The following STXBP6 variants were observed in gnomAD, a reference collection of about 807,000 sequenced individuals.
STXBP6 encodes the protein syntaxin binding protein 6.
In STXBP6, 21 loss-of-function variants were observed where a neutral mutation model predicts 26.9. The observed-to-expected ratio is 0.78, with a 90% CI of 0.55 to 1.12. The LOEUF is 1.12. STXBP6 is among the 50% of genes most tolerant of loss of function. STXBP6 has a pLI of 0.00. For missense variants in STXBP6, 232 were observed against 257.9 expected, an observed-to-expected ratio of 0.90 and a Z score of 0.69; for synonymous variants, 97 against 92.6, an observed-to-expected ratio of 1.05 and a Z score of -0.27.
chr14:24,884,171 C>T (rs1202793595), intron 2 of STXBP6, among the ~76,000 whole-genome samples: 1 of 152,178 alleles, frequency 6.6e-6, no homozygotes, highest in Non-Finnish European at 1.5e-5. Flanking sequence ...ATCCATCAGC[C>T]ACCTACATTC....
At position 24,809,776 on chromosome 14, in the gene STXBP6, T is replaced by C. The variant is rs2067769911; in HGVS notation, c.*2933A>G. ...ATTATATTTGACATCTCAGAGAACT[T>C]CTGAAGAATAACTGTATGACAGACA... On this transcript the variant is annotated 3_prime_UTR_variant, in exon 6 of 6. Coordinates refer to ENST00000323944, the MANE Select transcript of STXBP6 (RefSeq NM_001394410.1). 1 of 152,210 alleles carries C rather than the reference T, an allele frequency of 6.6e-6. No homozygotes were observed. The highest frequency in any genetic ancestry group is 2.1e-4 in the South Asian group (1 of 4,830). 9.4% of individuals were successfully genotyped at this position (152,210 alleles called of 1,614,324 possible).
At chr14:24,965,474 A>T (rs10152057) in intron 2 of STXBP6, among the ~76,000 whole-genome samples, 2,397 of 152,028 alleles carry the variant, frequency 0.016, 60 homozygotes, top group African/African-American at 0.055. Context: ...AAAGCTACAG[A>T]TGAACAATCT....
At chr14:25,011,377 G>A (rs2075026518) in intron 1 of STXBP6, among the ~76,000 whole-genome samples, 1 of 152,170 alleles carries the variant, frequency 6.6e-6, no homozygotes, top group Non-Finnish European at 1.5e-5. Context: ...TATTACATAA[G>A]ACTGCTCCTC....
intron 1 of STXBP6, among the ~76,000 whole-genome samples, chr14:25,043,608 C>G (rs1595365076): frequency 6.6e-6 from 1 of 152,178 alleles, no homozygotes; most frequent in Non-Finnish European, 1.5e-5. Flanking sequence ...CTCCCCATTT[C>G]TCCCTCTTCC....
At chr14:24,850,317 T>C (rs567600175) in intron 4 of STXBP6, among the ~76,000 whole-genome samples, 49 of 152,132 alleles carry the variant, frequency 3.2e-4, no homozygotes, top group Non-Finnish European at 1.2e-4. Flanking sequence ...GCCAGCCTGG[T>C]GTGAAGGTGA....
At chr14:24,868,497 A>C (rs2069803662) in intron 2 of STXBP6, among the ~76,000 whole-genome samples, 1 of 152,218 alleles carries the variant, frequency 6.6e-6, no homozygotes, top group Non-Finnish European at 1.5e-5. Flanking sequence ...ATAGCCAAAC[A>C]CTGGAAACAA....
intron 2 of STXBP6, among the ~76,000 whole-genome samples, chr14:24,893,078 T>C (rs551121425): frequency 8.0e-4 from 122 of 152,330 alleles, no homozygotes; most frequent in African/African-American, 2.8e-3. Context: ...ACCTGACCAC[T>C]GTTTTCTAGG....
chr14:24,905,972 T>C (rs761920250), intron 2 of STXBP6, among the ~76,000 whole-genome samples: 8 of 152,076 alleles, frequency 5.3e-5, no homozygotes, highest in Non-Finnish European at 8.8e-5. Context: ...AACCTGAGGG[T>C]ACAAACTTTG....
intron 4 of STXBP6, among the ~76,000 whole-genome samples, chr14:24,846,025 T>G (rs576357430): frequency 3.9e-4 from 60 of 152,318 alleles, no homozygotes; most frequent in African/African-American, 1.4e-3. Flanking sequence ...AGACAATGTA[T>G]CTTAGAGTTC....
chr14:25,016,455 A>G (rs1217177167), intron 1 of STXBP6, among the ~76,000 whole-genome samples: 1 of 152,178 alleles, frequency 6.6e-6, no homozygotes, highest in Non-Finnish European at 1.5e-5. Flanking sequence ...TCAGAGAGTG[A>G]GTATTTCCTG....
intron 1 of STXBP6, among the ~76,000 whole-genome samples, chr14:24,997,058 T>C (rs975015496): frequency 1.3e-5 from 2 of 152,150 alleles, no homozygotes; most frequent in Admixed American, 6.5e-5. Context: ...CCTCTCATTT[T>C]ACAGATTAAG....
chr14:24,955,812 A>G (rs567880649), intron 2 of STXBP6, among the ~76,000 whole-genome samples: 1 of 152,342 alleles, frequency 6.6e-6, no homozygotes, highest in African/African-American at 2.4e-5. Context: ...CTTCCCTGCA[A>G]TAGCACCTAC....
chr14:24,979,773 A>G (rs2074139547), intron 1 of STXBP6, among the ~76,000 whole-genome samples: 1 of 152,072 alleles, frequency 6.6e-6, no homozygotes, highest in Admixed American at 6.6e-5. Context: ...ATATTTCTAG[A>G]CTAGCTTTTC....
intron 5 of STXBP6, chr14:24,816,677 C>T (rs1342641978): frequency 2.0e-5 from 3 of 152,152 alleles, no homozygotes; most frequent in Non-Finnish European, 4.4e-5. Flanking sequence ...ACCCCTTTGC[C>T]TTTGGTGGCC....
intron 2 of STXBP6, among the ~76,000 whole-genome samples, chr14:24,860,940 T>C (rs1373741255): frequency 1.3e-5 from 2 of 149,968 alleles, no homozygotes; most frequent in Non-Finnish European, 3.0e-5. Context: ...CTATCTCATA[T>C]TTGAGATAGC....
intron 2 of STXBP6, among the ~76,000 whole-genome samples, chr14:24,870,373 C>T (rs989473863): frequency 6.6e-6 from 1 of 152,088 alleles, no homozygotes. Context: ...TTCTGTTCAG[C>T]CTATTACACC....
chr14:24,999,464 T>G (rs1480632776), intron 1 of STXBP6, among the ~76,000 whole-genome samples: 2 of 152,034 alleles, frequency 1.3e-5, no homozygotes, highest in Admixed American at 1.3e-4. Flanking sequence ...TGCTATTATC[T>G]AGGATATAAA....
In STXBP6 at chr14:24,924,010, A is replaced by AC. The variant is rs1345830946; in HGVS notation, c.154+50654dup. On this transcript the variant is annotated intron_variant, in intron 2 of 5. Coordinates refer to ENST00000323944, the MANE Select transcript of STXBP6 (RefSeq NM_001394410.1). ...CTGATAAAAATAAGAACCAATTCCCACATATTTTTTTTTTGCAAAAAGCTT... is the reference window on the plus strand; with the variant it reads ...CTGATAAAAATAAGAACCAATTCCCACCATATTTTTTTTTTGCAAAAAGCTT... Among the ~76,000 whole-genome samples the AC allele has an allele frequency of 4.6e-5, 7 of 151,302 alleles. 2 individuals are homozygous for AC. Among genetic ancestry groups the AC allele is most frequent in the Admixed American group, 4.0e-4 (6 of 15,184 alleles).
At chr14:24,919,225 G>C (rs1414685916) in intron 2 of STXBP6, among the ~76,000 whole-genome samples, 3 of 151,994 alleles carry the variant, frequency 2.0e-5, no homozygotes, top group Non-Finnish European at 4.4e-5. Context: ...TTCTGCCTAA[G>C]ATGCTTAAAA....
Sources: gnomAD v4.1 joint callset for allele counts (sites outside exome capture counted in the v4.1 genomes callset) on GRCh38, gnomAD v4.1.1 for gene constraint, MANE v1.5 for transcripts, NCBI Gene and HGNC (gene_info 2026-07-23, HGNC 2026-07-21) for gene names.